TAOK3: variants seen among roughly 807,000 people sequenced by gnomAD.
The protein encoded by TAOK3 is TAO kinase 3, also known as serine/threonine-protein kinase TAO3.
Under a neutral mutation model 120.4 loss-of-function variants are expected in TAOK3, and 40 were observed. The ratio of observed to expected loss-of-function variants is 0.33; its 90% CI spans 0.26 to 0.43. TAOK3 has a LOEUF of 0.43. TAOK3 is among the 20% of genes least tolerant of loss of function. The pLI is 1.00. For synonymous variants in TAOK3, 355 were observed against 387.5 expected, an observed-to-expected ratio of 0.92 and a Z score of 0.99; for missense variants, 821 against 1,112.1, an observed-to-expected ratio of 0.74 and a Z score of 3.72.
At chr12:118,219,796 T>C (rs1228408236) in intron 9 of TAOK3, among the ~76,000 whole-genome samples, 1 of 137,882 alleles carries the variant, frequency 7.3e-6, no homozygotes, top group Non-Finnish European at 1.6e-5. Context: ...TTTTTTTTTT[T>C]AGAGATGGGG....
intron 4 of TAOK3, among the ~76,000 whole-genome samples, chr12:118,244,520 C>T (rs1006076574): frequency 1.6e-4 from 18 of 111,252 alleles, no homozygotes; most frequent in Admixed American, 3.1e-4. Context: ...TTGTTAATTT[C>T]TTTTTTCTTT....
At chr12:118,181,670 A>C in intron 14 of TAOK3, 63 bp from the exon 15 acceptor site, 1 of 1,404,722 alleles carries the variant, frequency 7.1e-7, no homozygotes, top group African/African-American at 1.4e-5. Flanking sequence ...CTTTCATGCA[A>C]AGTAGAACGG....
intron 1 of TAOK3, among the ~76,000 whole-genome samples, chr12:118,271,036 A>G (rs996946596): frequency 6.6e-5 from 10 of 152,100 alleles, no homozygotes; most frequent in Non-Finnish European, 1.5e-4. Flanking sequence ...CAACACACAT[A>G]GTTAGTATTC....
intron 1 of TAOK3, among the ~76,000 whole-genome samples, chr12:118,318,277 C>A (rs1460875557): frequency 6.6e-6 from 1 of 151,820 alleles, no homozygotes; most frequent in Non-Finnish European, 1.5e-5. Context: ...CCTGCCTTAG[C>A]CTCCCAAGTA....
At chr12:118,225,496 T>C (rs1282766862) in intron 9 of TAOK3, among the ~76,000 whole-genome samples, 1 of 152,122 alleles carries the variant, frequency 6.6e-6, no homozygotes, top group Non-Finnish European at 1.5e-5. Flanking sequence ...CTTGTATGAC[T>C]TATTACATTA....
intron 19 of TAOK3, among the ~76,000 whole-genome samples, chr12:118,157,010 G>A (rs1363051763): frequency 1.3e-5 from 2 of 152,108 alleles, no homozygotes; most frequent in Non-Finnish European, 2.9e-5. Flanking sequence ...AAAGTGCTAG[G>A]ATTACAGGCA....
intron 7 of TAOK3, among the ~76,000 whole-genome samples, chr12:118,237,349 A>T (rs1593256058): frequency 6.6e-6 from 1 of 152,172 alleles, no homozygotes; most frequent in East Asian, 1.9e-4. Context: ...CCCCTCATTC[A>T]TTAATGTAAC....
Position 118,160,710 on chromosome 12 carries a change from C to T in TAOK3, c.2140-352G>A, listed in dbSNP as rs2035159117. ...TTCATGCTTTCCTAGTCAGACACTTCAGTGTCTTCCATTGTTCATTGTTTT... is the reference window on the plus strand; with the variant it reads ...TTCATGCTTTCCTAGTCAGACACTTTAGTGTCTTCCATTGTTCATTGTTTT... On this transcript the variant is annotated intron_variant, in intron 18 of 20. Coordinates refer to ENST00000392533, the MANE Select transcript of TAOK3 (RefSeq NM_016281.4). The surrounding 1 kb of genome is among the most constrained non-coding windows in gnomAD (Gnocchi z 4.2). Among the ~76,000 whole-genome samples, 2 of 152,168 alleles carry T rather than the reference C, an allele frequency of 1.3e-5. No homozygotes were observed. The highest frequency in any genetic ancestry group is 1.3e-4 in the Admixed American group (2 of 15,280).
At chr12:118,285,270 T>TG (rs1423836974) in intron 1 of TAOK3, among the ~76,000 whole-genome samples, 3 of 152,156 alleles carry the variant, frequency 2.0e-5, no homozygotes, top group Non-Finnish European at 4.4e-5. Context: ...CACGAACTCC[T>TG]GACTTCAAGT....
intron 2 of TAOK3, among the ~76,000 whole-genome samples, chr12:118,265,581 A>G (rs1172080424): frequency 3.9e-5 from 6 of 151,922 alleles, no homozygotes; most frequent in Non-Finnish European, 8.8e-5. Context: ...ATAATATAAC[A>G]CCTCATTTCA....
In TAOK3 at chr12:118,354,027, T is replaced by G. The variant is rs2045291390; in HGVS notation, c.-194+18621A>C. 2.6e-5 allele frequency among the ~76,000 whole-genome samples: 4 copies of G among 152,330 alleles called. No homozygotes were observed. The South Asian group carries it at 8.3e-4, about 32-fold the overall frequency. On this transcript the variant is annotated intron_variant, in intron 1 of 20. Coordinates refer to ENST00000392533, the MANE Select transcript of TAOK3 (RefSeq NM_016281.4). The stretch of plus-strand genomic sequence containing the variant: ...TTTTCAATACGTCAACAAAGTTAAC[T>G]GACCCAATACAAGATATGAACCCTA...
chr12:118,279,236 G>A (rs746282019), intron 1 of TAOK3, among the ~76,000 whole-genome samples: 4 of 152,150 alleles, frequency 2.6e-5, no homozygotes, highest in African/African-American at 4.8e-5. Context: ...TTTGAAAAGT[G>A]TCTGTTCATG....
chr12:118,221,346 C>G (rs2039220948), intron 9 of TAOK3, among the ~76,000 whole-genome samples: 1 of 152,120 alleles, frequency 6.6e-6, no homozygotes, highest in African/African-American at 2.4e-5. Flanking sequence ...GCCTCAGCCT[C>G]CTGAGTAGCT....
intron 1 of TAOK3, among the ~76,000 whole-genome samples, chr12:118,348,092 T>C (rs565692011): frequency 1.3e-5 from 2 of 152,328 alleles, no homozygotes; most frequent in South Asian, 4.1e-4. Context: ...AAAAAATACA[T>C]TGATTATGTC....
At position 118,322,298 on chromosome 12, in the gene TAOK3, G is replaced by C. The variant is rs1194690334; in HGVS notation, c.-194+50350C>G. ...CCACTACACTCCAGCCTGGGCAGCA[G>C]AGTGAGACTGTCTCAAAAAAAAAAA... On this transcript the variant is annotated intron_variant, in intron 1 of 20. Coordinates refer to ENST00000392533, the MANE Select transcript of TAOK3 (RefSeq NM_016281.4). 7.7e-5 allele frequency among the ~76,000 whole-genome samples: 10 copies of C among 130,408 alleles called. No individual in the cohort carries two copies. The Admixed American group carries it at 7.7e-4, about 10-fold the overall frequency. 85.6% of individuals were successfully genotyped at this position (130,408 alleles called of 152,430 possible). A position where few individuals can be genotyped will look rare whatever the true frequency, so the allele number is the denominator to read the frequency against.
chr12:118,224,234 C>T (rs2039393448), intron 9 of TAOK3, among the ~76,000 whole-genome samples: 1 of 152,148 alleles, frequency 6.6e-6, no homozygotes, highest in Non-Finnish European at 1.5e-5. Flanking sequence ...TTTACTAGGC[C>T]ATGGTATCTC....
At chr12:118,271,401 C>T (rs1316026223) in intron 1 of TAOK3, among the ~76,000 whole-genome samples, 1 of 152,148 alleles carries the variant, frequency 6.6e-6, no homozygotes, top group Non-Finnish European at 1.5e-5. Context: ...TTATAGATTT[C>T]CTTGTTCTGG....
chr12:118,212,939 C>A lies in TAOK3; in HGVS notation c.794G>T (p.Arg265Met), dbSNP rs1440298591. 5 of 1,612,936 alleles carry A rather than the reference C, an allele frequency of 3.1e-6. No homozygotes were observed. The highest frequency in any genetic ancestry group is 4.2e-6 in the Non-Finnish European group (5 of 1,179,590). Residue 265 changes from arginine to methionine, a missense_variant, in exon 11 of 21, where the codon AGG becomes ATG. This residue lies in a region of TAOK3 where 467 missense variants were observed against 540.0 expected (regional missense o/e 0.86). Transcript: ENST00000392533. The part of the protein sequence containing the change: ...DYCLQKIPQE[R>M]PTSAELLRHD... ...CCTTAATAGTTCTGCTGATGTTGGC[C>A]TTTCCTGAGGTATTTTCTGCAAGCA...
intron 1 of TAOK3, among the ~76,000 whole-genome samples, chr12:118,317,455 C>T (rs1339757112): frequency 1.3e-5 from 2 of 151,856 alleles, no homozygotes; most frequent in African/African-American, 4.8e-5. Flanking sequence ...CCTGCCACCA[C>T]GCCAAGCTAA....
Sources: gnomAD v4.1 joint callset for allele counts (sites outside exome capture counted in the v4.1 genomes callset) on GRCh38, gnomAD v4.1.1 for gene constraint, gnomAD v4.1.1 regional missense constraint, Gnocchi (gnomAD v3.1) non-coding constraint, MANE v1.5 for transcripts, NCBI Gene and HGNC (gene_info 2026-07-23, HGNC 2026-07-21) for gene names.